TRHDE: variants seen among roughly 807,000 people sequenced by gnomAD.
TRHDE encodes thyrotropin releasing hormone degrading enzyme, also known as thyrotropin-releasing hormone-degrading ectoenzyme.
In TRHDE, 72 loss-of-function variants were observed where a neutral mutation model predicts 125.7. That is an observed-to-expected ratio of 0.57 (90% CI 0.47 to 0.70). TRHDE has a LOEUF of 0.70. TRHDE is among the 30% of genes least tolerant of loss of function. The pLI is 0.00. For missense variants in TRHDE, 1,110 were observed against 1,327.1 expected (o/e 0.84, Z 2.54); for synonymous variants, 509 against 509.1 (o/e 1.00, Z 0.00).
At chr12:72,099,238 A>G (rs1456763771) in intron 1 of TRHDE, among the ~76,000 whole-genome samples, 1 of 152,182 alleles carries the variant, frequency 6.6e-6, no homozygotes, top group Admixed American at 6.5e-5. Flanking sequence ...CCATTTGTAT[A>G]TATCCAAATT....
At chr12:72,227,303 G>A (rs1228748219) in intron 2 of TRHDE, among the ~76,000 whole-genome samples, 1 of 152,214 alleles carries the variant, frequency 6.6e-6, no homozygotes. Flanking sequence ...TCACAGTCAT[G>A]AAAGAAGACA....
At chr12:72,445,771 T>A (rs1875246509) in intron 3 of TRHDE, among the ~76,000 whole-genome samples, 1 of 151,988 alleles carries the variant, frequency 6.6e-6, no homozygotes, top group Non-Finnish European at 1.5e-5. Flanking sequence ...TTGAAGATGT[T>A]ATTAAGCCTT....
At chr12:72,426,257 T>C (rs1048533869) in intron 3 of TRHDE, among the ~76,000 whole-genome samples, 7 of 152,108 alleles carry the variant, frequency 4.6e-5, no homozygotes, top group African/African-American at 1.7e-4. Flanking sequence ...ATAAGATTGT[T>C]ATTGTATTTT....
At chr12:72,274,096 A>G (rs766570150) in intron 1 of TRHDE, among the ~76,000 whole-genome samples, 15 of 152,170 alleles carry the variant, frequency 9.9e-5, no homozygotes, top group African/African-American at 3.4e-4. Flanking sequence ...GGCTGCGTCA[A>G]GTTTCCCCAA....
intron 2 of TRHDE, among the ~76,000 whole-genome samples, chr12:72,156,638 C>G (rs1876519338): frequency 6.6e-6 from 1 of 152,070 alleles, no homozygotes; most frequent in Non-Finnish European, 1.5e-5. Context: ...TTTTGTGCCT[C>G]CTAGGCTGTG....
chr12:72,127,942 G>A (rs1236892144), intron 2 of TRHDE, among the ~76,000 whole-genome samples: 1 of 152,062 alleles, frequency 6.6e-6, no homozygotes, highest in East Asian at 1.9e-4. Flanking sequence ...CTGAGTGCAA[G>A]AGATGGAACT....
Position 72,385,512 on chromosome 12 carries a change from A to G in TRHDE, c.1315+7391A>G, listed in dbSNP as rs560525589. Reference sequence around the variant, plus strand: ...CCTTCATAAGTTTATTTTCTCATAAACCAAAATATCAGTTATCATTTTCTT... The same window carrying G: ...CCTTCATAAGTTTATTTTCTCATAAGCCAAAATATCAGTTATCATTTTCTT... On this transcript the variant is annotated intron_variant, in intron 3 of 18. Transcript: ENST00000261180. 3.3e-5 allele frequency among the ~76,000 whole-genome samples: 5 copies of G among 152,200 alleles called. No individual in the cohort carries two copies. In the South Asian group the frequency reaches 1.0e-3, roughly 32 times the overall value.
intron 2 of TRHDE, among the ~76,000 whole-genome samples, chr12:72,156,353 G>A (rs1876511248): frequency 6.6e-6 from 1 of 152,202 alleles, no homozygotes; most frequent in South Asian, 2.1e-4. Context: ...CGGATGAGGT[G>A]ATGCCTCGCC....
At chr12:72,648,854 A>C (rs1874387191) in intron 15 of TRHDE, among the ~76,000 whole-genome samples, 1 of 152,118 alleles carries the variant, frequency 6.6e-6, no homozygotes, top group Non-Finnish European at 1.5e-5. Flanking sequence ...AAGGAAATGA[A>C]AAATGTATGT....
intron 12 of TRHDE, among the ~76,000 whole-genome samples, chr12:72,614,249 A>G (rs1424321839): frequency 2.0e-5 from 3 of 151,366 alleles, no homozygotes; most frequent in Admixed American, 1.3e-4. Context: ...GGGGCTACAA[A>G]TCAGTAACTT....
chr12:72,259,061 C>G (rs550110685), intron 2 of TRHDE, among the ~76,000 whole-genome samples: 5 of 152,244 alleles, frequency 3.3e-5, no homozygotes, highest in Non-Finnish European at 5.9e-5. Context: ...CTTTGAAACT[C>G]TGTAAAATTC....
chr12:72,344,019 C>T (rs1314580210), intron 2 of TRHDE, among the ~76,000 whole-genome samples: 1 of 151,814 alleles, frequency 6.6e-6, no homozygotes, highest in East Asian at 1.9e-4. Flanking sequence ...TCACTGGACT[C>T]ATTTGCTTTT....
At chr12:72,284,329 TAAC>T (rs1879802728) in intron 1 of TRHDE, among the ~76,000 whole-genome samples, 1 of 152,084 alleles carries the variant, frequency 6.6e-6, no homozygotes, top group Admixed American at 6.5e-5. Flanking sequence ...TAAAAGGGAG[TAAC>T]TTCGACTCAT....
At chr12:72,533,385 A>G (rs1419613677) in intron 6 of TRHDE, among the ~76,000 whole-genome samples, 1 of 151,804 alleles carries the variant, frequency 6.6e-6, no homozygotes, top group Non-Finnish European at 1.5e-5. Context: ...ATGTTGGCCA[A>G]GATGTTCTCG....
chr12:72,659,887 G>A (rs947750133), intron 18 of TRHDE, among the ~76,000 whole-genome samples: 6 of 152,042 alleles, frequency 3.9e-5, no homozygotes, highest in African/African-American at 1.4e-4. Flanking sequence ...CCCCGCTTGC[G>A]GAGACAAGAG....
At chr12:72,489,884 C>G (rs898130911) in intron 5 of TRHDE, among the ~76,000 whole-genome samples, 2 of 151,830 alleles carry the variant, frequency 1.3e-5, no homozygotes, top group African/African-American at 4.8e-5. Flanking sequence ...GGAACTATAA[C>G]ACTTTTAGAT....
chr12:72,517,891 T>C (rs939362973), intron 6 of TRHDE, among the ~76,000 whole-genome samples: 1 of 152,092 alleles, frequency 6.6e-6, no homozygotes, highest in African/African-American at 2.4e-5. Context: ...TCTGCCTTCA[T>C]TTCATTATGT....
chr12:72,260,545 T>C (rs979416247), intron 2 of TRHDE, among the ~76,000 whole-genome samples: 4 of 152,078 alleles, frequency 2.6e-5, no homozygotes, highest in African/African-American at 4.8e-5. Flanking sequence ...CCAGTCTTGA[T>C]TTATAAATGC....
intron 6 of TRHDE, among the ~76,000 whole-genome samples, chr12:72,511,039 A>G (rs1878561379): frequency 6.6e-6 from 1 of 152,190 alleles, no homozygotes; most frequent in South Asian, 2.1e-4. Context: ...TTACAGGAAG[A>G]AATTTCAGTT....
Sources: allele counts gnomAD v4.1 joint callset (sites outside exome capture counted in the v4.1 genomes callset), GRCh38; gene constraint gnomAD v4.1.1; transcripts MANE v1.5; gene names NCBI Gene and HGNC (gene_info 2026-07-23, HGNC 2026-07-21).